GKAP1: variants seen among roughly 807,000 people sequenced by gnomAD.
GKAP1 encodes the protein G kinase-anchoring protein 1.
Under a neutral mutation model 56.7 loss-of-function variants are expected in GKAP1, and 31 were observed. That is an observed-to-expected ratio of 0.55 (90% CI 0.41 to 0.74). GKAP1 has a LOEUF of 0.74. GKAP1 is among the 30% of genes least tolerant of loss of function. The probability of loss-of-function intolerance (pLI) is 0.00; values close to 1 mark genes in which losing one functional copy is unlikely to be tolerated. For synonymous variants in GKAP1, 151 were observed against 138.6 expected (o/e 1.09, Z -0.63); for missense variants, 364 against 402.3 (o/e 0.90, Z 0.82).
chr9:83,793,015 C>T (rs1442234403), intron 4 of GKAP1: 1 of 1,277,014 alleles, frequency 7.8e-7, no homozygotes, highest in Non-Finnish European at 1.0e-6. Flanking sequence ...TCCTACTCCC[C>T]ATCTAGTAGT....
chr9:83,744,288 A>C (rs1366402338), intron 10 of GKAP1, among the ~76,000 whole-genome samples: 2 of 152,238 alleles, frequency 1.3e-5, no homozygotes, highest in Non-Finnish European at 2.9e-5. Flanking sequence ...TTAGGTAACA[A>C]CTTGAACATA....
intron 7 of GKAP1, among the ~76,000 whole-genome samples, chr9:83,778,902 ATAT>A (rs761239257): frequency 6.6e-6 from 1 of 151,996 alleles, no homozygotes; most frequent in Non-Finnish European, 1.5e-5. Flanking sequence ...AAGACAAGAT[ATAT>A]TATTCTACAT....
At chr9:83,805,651 A>G (rs538697453) in intron 3 of GKAP1, among the ~76,000 whole-genome samples, 1 of 152,258 alleles carries the variant, frequency 6.6e-6, no homozygotes, top group Non-Finnish European at 1.5e-5. Flanking sequence ...GGATATATAC[A>G]TACATGTATA....
At chr9:83,754,074 A>C (rs1943436309) in intron 8 of GKAP1, among the ~76,000 whole-genome samples, 1 of 152,218 alleles carries the variant, frequency 6.6e-6, no homozygotes, top group African/African-American at 2.4e-5. Flanking sequence ...CAATTATATA[A>C]GGCAAAATAA....
intron 4 of GKAP1, among the ~76,000 whole-genome samples, chr9:83,798,588 C>T (rs1417637024): frequency 1.3e-5 from 2 of 152,180 alleles, no homozygotes; most frequent in Non-Finnish European, 2.9e-5. Flanking sequence ...AAAATCATGG[C>T]TCACTGCAGC....
chr9:83,783,223 T>C (rs980524067), intron 6 of GKAP1, among the ~76,000 whole-genome samples: 3 of 152,230 alleles, frequency 2.0e-5, no homozygotes, highest in African/African-American at 7.2e-5. Context: ...TGAATTCATA[T>C]GAGTCAAATA....
chr9:83,782,238 T>C (rs1943986160), intron 6 of GKAP1, among the ~76,000 whole-genome samples: 1 of 151,994 alleles, frequency 6.6e-6, no homozygotes, highest in South Asian at 2.1e-4. Context: ...AGCCTCTGGC[T>C]CCTAGCCTCA....
In GKAP1 at chr9:83,815,700, A is replaced by C. The variant is rs538360614; in HGVS notation, c.-44+1296T>G. On this transcript the variant is annotated intron_variant, in intron 2 of 12. Transcript: ENST00000376371. Reference sequence around the variant, plus strand: ...ATTAACACTACCAATTAGCCTGACCAAAAAAAGGTATTAATGTAGATGCCA... The same window carrying C: ...ATTAACACTACCAATTAGCCTGACCCAAAAAAGGTATTAATGTAGATGCCA... Among the ~76,000 whole-genome samples, 4 of 152,214 alleles carry C rather than the reference A, an allele frequency of 2.6e-5. No individual in the cohort carries two copies. The East Asian group carries it at 7.7e-4, about 29-fold the overall frequency.
Position 83,802,737 on chromosome 9 carries a change from G to A in GKAP1, c.217-3409C>T, listed in dbSNP as rs138579578. Among the ~76,000 whole-genome samples the A allele has an allele frequency of 1.1e-4, 17 of 152,026 alleles. No individual in the cohort carries two copies. In the East Asian group the frequency reaches 1.4e-3, roughly 12 times the overall value. On this transcript the variant is annotated intron_variant, in intron 3 of 12. Transcript: ENST00000376371. ...AGCTACTTGGGAGGCTGAGGCAACA[G>A]GACTGCTTGAACCCAGGAGTTTGAG... is the stretch of plus-strand genomic sequence containing the variant.
chr9:83,816,558 T>C (rs960848171), intron 2 of GKAP1, among the ~76,000 whole-genome samples: 1 of 152,248 alleles, frequency 6.6e-6, no homozygotes, highest in Non-Finnish European at 1.5e-5. Flanking sequence ...CTATGAAGAT[T>C]TTTAATATTT....
At chr9:83,769,022 T>C (rs953640399) in intron 7 of GKAP1, 52 bp from the exon 8 acceptor site, 1 of 1,406,710 alleles carries the variant, frequency 7.1e-7, no homozygotes, top group Non-Finnish European at 9.9e-7. Context: ...CTGATATGCA[T>C]TTAATACACC....
chr9:83,810,312 A>G (rs1296736679), intron 2 of GKAP1, among the ~76,000 whole-genome samples: 2 of 152,254 alleles, frequency 1.3e-5, no homozygotes, highest in African/African-American at 4.8e-5. Flanking sequence ...AGTCTAGATC[A>G]GGAACTGAAT....
chr9:83,783,314 A>C (rs1944008659), intron 6 of GKAP1, among the ~76,000 whole-genome samples: 1 of 152,192 alleles, frequency 6.6e-6, no homozygotes. Flanking sequence ...CTGTTCAATA[A>C]AATTTTCTGT....
chr9:83,816,113 T>C (rs1423624965), intron 2 of GKAP1, among the ~76,000 whole-genome samples: 1 of 150,230 alleles, frequency 6.7e-6, no homozygotes, highest in Non-Finnish European at 1.5e-5. Flanking sequence ...TGCTTGAACC[T>C]GGAAGGCAGA....
intron 7 of GKAP1, among the ~76,000 whole-genome samples, chr9:83,779,554 T>G (rs1943930752): frequency 3.8e-5 from 1 of 26,524 alleles, no homozygotes; most frequent in Non-Finnish European, 1.0e-4. Flanking sequence ...TACACGTGTA[T>G]ATGTGTATAT....
intron 12 of GKAP1, 38 bp from the exon 13 acceptor site, chr9:83,739,782 A>G: frequency 6.5e-7 from 1 of 1,543,114 alleles, no homozygotes; most frequent in Non-Finnish European, 8.9e-7. Context: ...ATTATTTACA[A>G]CATACCATTT....
intron 9 of GKAP1, among the ~76,000 whole-genome samples, chr9:83,751,086 C>T (rs1456141695): frequency 1.3e-5 from 2 of 152,110 alleles, no homozygotes; most frequent in African/African-American, 2.4e-5. Context: ...CCGCCTGCCC[C>T]GGCCTCCCAA....
At chr9:83,748,901 A>G (rs1010243532) in intron 9 of GKAP1, 1 of 152,204 alleles carries the variant, frequency 6.6e-6, no homozygotes, top group Non-Finnish European at 1.5e-5. Flanking sequence ...ATAGACTTGT[A>G]GTGGATATTG....
intron 4 of GKAP1, among the ~76,000 whole-genome samples, chr9:83,795,579 TGA>T (rs900356409): frequency 2.1e-5 from 3 of 144,956 alleles, no homozygotes; most frequent in African/African-American, 7.5e-5. Context: ...TGGTTATGTC[TGA>T]GAGTGTCTTT....
Sources: allele counts gnomAD v4.1 joint callset (sites outside exome capture counted in the v4.1 genomes callset), GRCh38; gene constraint gnomAD v4.1.1; transcripts MANE v1.5; gene names NCBI Gene and HGNC (gene_info 2026-07-23, HGNC 2026-07-21).